The following PTPRM variants were observed in gnomAD, a reference collection of about 807,000 sequenced individuals.
PTPRM encodes the protein receptor-type tyrosine-protein phosphatase mu.
In PTPRM, 47 loss-of-function variants were observed where a neutral mutation model predicts 186.7. The observed-to-expected ratio is 0.25, with a 90% CI of 0.20 to 0.32. The LOEUF (loss-of-function observed/expected upper bound fraction) is 0.32. Among genes scored for constraint, PTPRM ranks in the 10% least tolerant of loss-of-function variants. The pLI is 1.00. For missense variants in PTPRM, 1,494 were observed against 1,865.0 expected, an observed-to-expected ratio of 0.80 and a Z score of 3.66; for synonymous variants, 668 against 674.9, an observed-to-expected ratio of 0.99 and a Z score of 0.16.
chr18:8,352,666 G>T (rs113168634), intron 23 of PTPRM, among the ~76,000 whole-genome samples: 40,983 of 102,064 alleles, frequency 0.4, 6,593 homozygotes, highest in Middle Eastern at 0.61. Context: ...TTTTTTGTTT[G>T]TTTGTTTGTT....
chr18:7,871,942 A>G (rs997572757), intron 2 of PTPRM, among the ~76,000 whole-genome samples: 2 of 152,238 alleles, frequency 1.3e-5, no homozygotes, highest in African/African-American at 4.8e-5. Flanking sequence ...TAATTGTGTA[A>G]ATGATAAAGA....
At chr18:8,186,256 G>A (rs2146645504) in intron 14 of PTPRM, among the ~76,000 whole-genome samples, 1 of 150,920 alleles carries the variant, frequency 6.6e-6, no homozygotes, top group African/African-American at 2.4e-5. Flanking sequence ...AACCTGGAAG[G>A]CGAAGGTTGC....
chr18:7,973,620 A>C (rs1053409799), intron 7 of PTPRM, among the ~76,000 whole-genome samples: 4 of 152,082 alleles, frequency 2.6e-5, no homozygotes, highest in African/African-American at 9.7e-5. Flanking sequence ...TGTTTTCAAA[A>C]TATTTTTCTT....
chr18:8,321,403 C>T (rs576649049), intron 22 of PTPRM, among the ~76,000 whole-genome samples: 1 of 152,098 alleles, frequency 6.6e-6, no homozygotes, highest in African/African-American at 2.4e-5. Flanking sequence ...GCTTCCTTCC[C>T]TTTGTCCATT....
At chr18:8,332,506 A>G (rs2095417312) in intron 22 of PTPRM, among the ~76,000 whole-genome samples, 1 of 152,228 alleles carries the variant, frequency 6.6e-6, no homozygotes, top group Non-Finnish European at 1.5e-5. Context: ...ATATTGTCAC[A>G]CTTTCTTACT....
chr18:7,733,690 T>G (rs1470735806), intron 1 of PTPRM, among the ~76,000 whole-genome samples: 2 of 152,162 alleles, frequency 1.3e-5, no homozygotes, highest in African/African-American at 2.4e-5. Context: ...AGGAATGCTC[T>G]CAGCAAACAG....
chr18:7,786,878 A>G lies in PTPRM; in HGVS notation c.196+12607A>G, dbSNP rs147648134. Among the ~76,000 whole-genome samples, 306 of 152,336 alleles carry G rather than the reference A, an allele frequency of 2.0e-3. 2 individuals carry two copies. Among genetic ancestry groups the G allele is most frequent in the African/African-American group, 7.0e-3 (291 of 41,580 alleles). ...TGGAAAACAAAATGATACAGTTTGT[A>G]TTTTTTAGCAGATGGGTCATTGGGT... On this transcript the variant is annotated intron_variant, in intron 2 of 32. Coordinates refer to ENST00000580170, the MANE Select transcript of PTPRM (RefSeq NM_001105244.2).
intron 4 of PTPRM, among the ~76,000 whole-genome samples, chr18:7,907,242 C>A (rs1035370094): frequency 1.3e-5 from 2 of 152,198 alleles, no homozygotes; most frequent in East Asian, 1.9e-4. Context: ...CCCTGCCCCC[C>A]AGGGGCCACC....
intron 23 of PTPRM, among the ~76,000 whole-genome samples, chr18:8,369,435 T>A (rs1332462136): frequency 6.6e-6 from 1 of 152,134 alleles, no homozygotes; most frequent in Non-Finnish European, 1.5e-5. Flanking sequence ...GCAGAGGGAT[T>A]AAGAAGTTGG....
intron 5 of PTPRM, among the ~76,000 whole-genome samples, chr18:7,941,737 G>C (rs150845197): frequency 1.3e-5 from 2 of 152,324 alleles, no homozygotes; most frequent in East Asian, 3.9e-4. Flanking sequence ...CTGGTCGCTT[G>C]CATGTTTCTA....
chr18:7,648,158 G>A (rs1213207685), intron 1 of PTPRM, among the ~76,000 whole-genome samples: 4 of 152,046 alleles, frequency 2.6e-5, no homozygotes, highest in African/African-American at 9.7e-5. Context: ...TCTGTGATTA[G>A]TGATCATCGA....
rs1051271429 is a variant in PTPRM, at chr18:8,406,353, C to T, written c.*191C>T. Reference sequence around the variant, plus strand: ...CAATCCCAGTAATGCTGCTGCCTGACAGAAACACACACACAGCCACAGTTG... The same window carrying T: ...CAATCCCAGTAATGCTGCTGCCTGATAGAAACACACACACAGCCACAGTTG... On this transcript the variant is annotated 3_prime_UTR_variant, in exon 33 of 33. Transcript: ENST00000580170. The T allele has an allele frequency of 2.7e-5, 16 of 582,954 alleles. No homozygotes were observed. Among genetic ancestry groups the T allele is most frequent in the African/African-American group, 2.4e-4 (13 of 53,182 alleles). The allele number at this position is 582,954 out of a possible 1,614,324, so 36.1% of individuals were successfully genotyped here.
At position 8,126,006 on chromosome 18, in the gene PTPRM, TATATATATATATATATA is replaced by T. The variant is rs1261004019; in HGVS notation, c.2167+11180_2167+11196del. On this transcript the variant is annotated intron_variant, in intron 13 of 32. Coordinates refer to ENST00000580170, the MANE Select transcript of PTPRM (RefSeq NM_001105244.2). ...ATATATATATATATATATATATATA[TATATATATATATATATA>T]TATATTTTAAATCAGTAGACCTTTC... Among the ~76,000 whole-genome samples the T allele has an allele frequency of 4.1e-3, 97 of 23,940 alleles. 5 individuals carry two copies. Among genetic ancestry groups the T allele is most frequent in the Admixed American group, 9.8e-3 (14 of 1,434 alleles). The allele number at this position is 23,940 out of a possible 152,430, so 15.7% of individuals were successfully genotyped here.
At chr18:8,395,872 C>A (rs779122146) in intron 32 of PTPRM, among the ~76,000 whole-genome samples, 28 of 152,192 alleles carry the variant, frequency 1.8e-4, no homozygotes, top group Non-Finnish European at 2.9e-4. Flanking sequence ...TCACTTAACT[C>A]CCTTAGGTTT....
At chr18:8,123,013 A>G (rs539311482) in intron 13 of PTPRM, among the ~76,000 whole-genome samples, 1 of 152,318 alleles carries the variant, frequency 6.6e-6, no homozygotes, top group African/African-American at 2.4e-5. Flanking sequence ...GCTTCCTTAT[A>G]CCAAGAGAAG....
chr18:7,881,052 A>C (rs528450284), intron 2 of PTPRM, among the ~76,000 whole-genome samples: 27 of 152,026 alleles, frequency 1.8e-4, no homozygotes, highest in Admixed American at 7.9e-4. Flanking sequence ...GTAGTGGTAC[A>C]CTTTTTTTTA....
At chr18:8,298,872 G>T (rs901046625) in intron 20 of PTPRM, among the ~76,000 whole-genome samples, 1 of 152,152 alleles carries the variant, frequency 6.6e-6, no homozygotes, top group African/African-American at 2.4e-5. Flanking sequence ...TTAGCACTTT[G>T]AGAGGCTGAG....
At chr18:7,639,246 A>T (rs1384852250) in intron 1 of PTPRM, among the ~76,000 whole-genome samples, 6 of 151,506 alleles carry the variant, frequency 4.0e-5, no homozygotes, top group Non-Finnish European at 8.8e-5. Context: ...GGCTAACTTT[A>T]TTTTTAGTAG....
intron 1 of PTPRM, among the ~76,000 whole-genome samples, chr18:7,657,805 A>G (rs2038886732): frequency 6.6e-6 from 1 of 152,366 alleles, no homozygotes; most frequent in Non-Finnish European, 1.5e-5. Context: ...TTGTTTATCA[A>G]GAAGTCTCTT....
Sources: allele counts gnomAD v4.1 joint callset (sites outside exome capture counted in the v4.1 genomes callset), GRCh38; gene constraint gnomAD v4.1.1; transcripts MANE v1.5; gene names NCBI Gene and HGNC (gene_info 2026-07-23, HGNC 2026-07-21).